The following NAV3 variants were observed in gnomAD, a reference collection of about 807,000 sequenced individuals.
NAV3 encodes the protein neuron navigator 3, also known as pore membrane and/or filament interacting like protein 1.
NAV3 carries 87 observed loss-of-function variants against 244.7 expected under a neutral mutation model. The observed-to-expected ratio is 0.36, with a 90% CI of 0.30 to 0.42. The LOEUF (loss-of-function observed/expected upper bound fraction) is 0.42. NAV3 is among the 20% of genes least tolerant of loss of function. NAV3 has a pLI of 1.00. For missense variants in NAV3, 2,663 were observed against 2,893.3 expected, an observed-to-expected ratio of 0.92 and a Z score of 1.83; for synonymous variants, 1,126 against 1,042.2, an observed-to-expected ratio of 1.08 and a Z score of -1.55.
intron 2 of NAV3, among the ~76,000 whole-genome samples, chr12:77,608,223 A>G (rs1477686456): frequency 6.6e-6 from 1 of 152,098 alleles, no homozygotes; most frequent in East Asian, 1.9e-4. Context: ...AATTGTCAAG[A>G]TATGGACATA....
chr12:78,084,971 C>T (rs1047842879), intron 12 of NAV3, among the ~76,000 whole-genome samples: 13 of 151,764 alleles, frequency 8.6e-5, no homozygotes, highest in Non-Finnish European at 1.3e-4. Context: ...CAAGAAGAGT[C>T]ATCTTGATAA....
intron 2 of NAV3, among the ~76,000 whole-genome samples, chr12:77,704,936 A>T (rs1875724946): frequency 6.6e-6 from 1 of 152,238 alleles, no homozygotes; most frequent in Non-Finnish European, 1.5e-5. Flanking sequence ...GTTGTGAAAT[A>T]AAAGATTTTA....
At position 78,146,394 on chromosome 12, in the gene NAV3, TAA is replaced by T. The variant is rs34144410; in HGVS notation, c.4707+11_4707+12del. On this transcript the variant is annotated splice_donor_region_variant and intron_variant, in intron 21 of 39. Transcript: ENST00000397909. Reference sequence around the variant, plus strand: ...GCTGAAGAAAAGGCTCATTCAGAGGTAAAAAAAAAATATGCAATATTTTAATA... The same window carrying T: ...GCTGAAGAAAAGGCTCATTCAGAGGTAAAAAAAATATGCAATATTTTAATA... 2.6e-3 allele frequency: 2,543 copies of T among 979,938 alleles called. 5 individuals are homozygous for T. The highest frequency in any genetic ancestry group is 0.019 in the Middle Eastern group (73 of 3,782). 60.7% of individuals were successfully genotyped at this position (979,938 alleles called of 1,614,324 possible). A position where few individuals can be genotyped will look rare whatever the true frequency, so the allele number is the denominator to read the frequency against.
At chr12:77,828,787 C>A (rs1245633149), upstream of NAV3, among the ~76,000 whole-genome samples, 2 of 152,044 alleles carry the variant, frequency 1.3e-5, no homozygotes, top group Admixed American at 1.3e-4. Context: ...AAAGGTATTT[C>A]AAAGTGAAAA....
intron 2 of NAV3, among the ~76,000 whole-genome samples, chr12:77,587,588 C>A (rs570567064): frequency 6.6e-6 from 1 of 152,076 alleles, no homozygotes; most frequent in Non-Finnish European, 1.5e-5. Flanking sequence ...CAGTGTTCTT[C>A]AAAAATATAT....
At chr12:77,823,587 A>C (rs1872836566) in intron 2 of NAV3, among the ~76,000 whole-genome samples, 1 of 152,366 alleles carries the variant, frequency 6.6e-6, no homozygotes, top group South Asian at 2.1e-4. Flanking sequence ...CTAGGCAATC[A>C]GATCTGTACC....
intron 1 of NAV3, among the ~76,000 whole-genome samples, chr12:77,869,957 A>T (rs928119051): frequency 6.6e-6 from 1 of 152,340 alleles, no homozygotes; most frequent in South Asian, 2.1e-4. Flanking sequence ...GCATTGGATT[A>T]TGAGATAAAC....
chr12:77,646,553 G>C (rs1292889341), intron 2 of NAV3, among the ~76,000 whole-genome samples: 3 of 152,108 alleles, frequency 2.0e-5, no homozygotes, highest in African/African-American at 4.8e-5. Flanking sequence ...TTGGAAAGAA[G>C]AGCTTGAACA....
chr12:77,915,143 C>A (rs1314515496), intron 1 of NAV3, among the ~76,000 whole-genome samples: 1 of 152,016 alleles, frequency 6.6e-6, no homozygotes, highest in Non-Finnish European at 1.5e-5. Flanking sequence ...CCTGGATTTA[C>A]TTCCTGACCA....
chr12:77,969,858 T>TTTG (rs1892852850), intron 5 of NAV3, among the ~76,000 whole-genome samples: 3 of 152,164 alleles, frequency 2.0e-5, no homozygotes, highest in African/African-American at 7.2e-5. Context: ...ACAAAAGAAC[T>TTTG]TTCTTTCAAC....
chr12:77,780,171 C>T (rs965449320), intron 2 of NAV3, among the ~76,000 whole-genome samples: 3 of 152,106 alleles, frequency 2.0e-5, no homozygotes, highest in Non-Finnish European at 4.4e-5. Context: ...TATATTTGTG[C>T]AGTAGACACT....
intron 22 of NAV3, among the ~76,000 whole-genome samples, chr12:78,152,455 T>C (rs1053345647): frequency 2.6e-5 from 4 of 151,780 alleles, no homozygotes; most frequent in African/African-American, 7.2e-5. Context: ...CATTTTTACA[T>C]ATCCAGGAAT....
intron 2 of NAV3, among the ~76,000 whole-genome samples, chr12:77,589,389 A>T (rs1179945348): frequency 2.0e-5 from 3 of 151,980 alleles, no homozygotes; most frequent in African/African-American, 7.3e-5. Flanking sequence ...GTACCAATTT[A>T]CTGTATTAGC....
Position 78,168,805 on chromosome 12 carries a change from G to C in NAV3, c.4920G>C (p.Gln1640His). Residue 1640 changes from glutamine (Q) to histidine (H), a missense_variant, in exon 24 of 40, where the codon CAG (glutamine) becomes CAC (histidine). By Grantham distance (24) the Gln-to-His change is conservative. Coordinates refer to ENST00000397909, the MANE Select transcript of NAV3 (RefSeq NM_001024383.2). ...LRETIEMLKA[Q>H]NSAAQAAIQG... is the part of the protein sequence containing the mutation. ...AAACCATTGAAATGCTGAAGGCTCA[G>C]AATTCTGCTGCCCAGGCGGCTATTC... 6.2e-7 allele frequency: 1 copy of C among 1,610,802 alleles called. No homozygotes were observed. Among genetic ancestry groups the C allele is most frequent in the Non-Finnish European group, 8.5e-7 (1 of 1,177,868 alleles).
At chr12:77,667,594 C>T (rs564129377) in intron 2 of NAV3, among the ~76,000 whole-genome samples, 75 of 152,188 alleles carry the variant, frequency 4.9e-4, no homozygotes, top group African/African-American at 1.5e-3. Context: ...AGTAGTCACA[C>T]GGCAAGCCTC....
At chr12:77,888,263 T>C (rs1166605762) in intron 1 of NAV3, among the ~76,000 whole-genome samples, 1 of 151,984 alleles carries the variant, frequency 6.6e-6, no homozygotes, top group Non-Finnish European at 1.5e-5. Context: ...GGCAGGGGGA[T>C]TACTTGAGAC....
chr12:77,819,851 C>A (rs887726202), intron 2 of NAV3, among the ~76,000 whole-genome samples: 15 of 152,056 alleles, frequency 9.9e-5, no homozygotes, highest in Non-Finnish European at 2.2e-4. Flanking sequence ...TATTTTAGGG[C>A]AACATATGTG....
intron 1 of NAV3, among the ~76,000 whole-genome samples, chr12:77,910,255 A>G (rs1886443933): frequency 1.3e-5 from 2 of 152,066 alleles, no homozygotes; most frequent in South Asian, 4.1e-4. Flanking sequence ...GAAGCTTCCA[A>G]TCATGGTGGA....
intron 1 of NAV3, among the ~76,000 whole-genome samples, chr12:77,933,520 T>A (rs1361825980): frequency 6.6e-6 from 1 of 152,234 alleles, no homozygotes; most frequent in Non-Finnish European, 1.5e-5. Flanking sequence ...AATATTCACT[T>A]TTAAATCAAA....
Sources: gnomAD v4.1 joint callset for allele counts (sites outside exome capture counted in the v4.1 genomes callset) on GRCh38, gnomAD v4.1.1 for gene constraint, MANE v1.5 for transcripts, NCBI Gene and HGNC (gene_info 2026-07-23, HGNC 2026-07-21) for gene names.